LILRB2: variants seen among roughly 807,000 people sequenced by gnomAD.
LILRB2 encodes leukocyte immunoglobulin like receptor B2, also known as leukocyte immunoglobulin-like receptor subfamily B member 2.
Under a neutral mutation model 72.7 loss-of-function variants are expected in LILRB2, and 47 were observed. The ratio of observed to expected loss-of-function variants is 0.65; its 90% confidence interval spans 0.51 to 0.82. LILRB2 has a LOEUF of 0.82. LILRB2 is among the 40% of genes least tolerant of loss of function. The pLI is 0.00. For missense variants in LILRB2, 767 were observed against 764.8 expected, an observed-to-expected ratio of 1.00 and a Z score of -0.03; for synonymous variants, 279 against 313.7, an observed-to-expected ratio of 0.89 and a Z score of 1.17.
At position 54,280,066 on chromosome 19, in the gene LILRB2, G is replaced by C; in HGVS notation, c.80C>G (p.Pro27Arg). 6.2e-7 allele frequency: 1 copy of C among 1,613,876 alleles called. No homozygotes were observed. Among genetic ancestry groups the C allele is most frequent in the Non-Finnish European group, 8.5e-7 (1 of 1,179,884 alleles). ...PRTRVQTGTI[P>R]KPTLWAEPDS... The stretch of plus-strand genomic sequence containing the variant: ...TGGCTCAGCCCACAGGGTGGGCTTG[G>C]GGATGGTCCCTGGAAGGAAATCAAA... Residue 27 changes from proline (P) to arginine (R), a missense_variant, in exon 4 of 14, where the codon CCC becomes CGC. Pro to Arg is a moderately radical substitution (Grantham distance 103, BLOSUM62 -2). Around this residue, in one of 3 missense-constraint regions of LILRB2, gnomAD observed 599 missense variants for 568.2 expected, o/e 1.05. Coordinates refer to ENST00000314446, the MANE Select transcript of LILRB2 (RefSeq NM_001080978.4).
chr19:54,278,199 C>T (rs2080335278), intron 7 of LILRB2, 61 bp downstream of exon 7: 1 of 1,597,202 alleles, frequency 6.3e-7, no homozygotes, highest in Non-Finnish European at 8.5e-7. Flanking sequence ...CAGAGCTCTC[C>T]TGGGGGGCAG....
intron 7 of LILRB2, 75 bp from the exon 8 acceptor site, chr19:54,278,014 C>T: frequency 1.6e-6 from 2 of 1,253,922 alleles, no homozygotes; most frequent in Non-Finnish European, 2.2e-6. Flanking sequence ...AATTTCTCTA[C>T]ATGGGCCCTG....
chr19:54,275,364 T>C, intron 13 of LILRB2: 2 of 519,084 alleles, frequency 3.9e-6, no homozygotes, highest in Non-Finnish European at 7.2e-6. Context: ...TAGAGGATCG[T>C]GTGCCCCACT....
At position 54,274,378 on chromosome 19, in the gene LILRB2, T is replaced by G; in HGVS notation, c.*305A>C. 2.9e-6 allele frequency: 1 copy of G among 339,320 alleles called. No homozygotes were observed. Among genetic ancestry groups the G allele is most frequent in the Non-Finnish European group, 5.2e-6 (1 of 191,116 alleles). The allele number at this position is 339,320 out of a possible 1,614,324, so 21.0% of individuals were successfully genotyped here. ...ATTTGTGGTTTGTACTTTTTCAATT[T>G]CATTGTGTGATGTGTAATATTTATA... is the stretch of plus-strand genomic sequence containing the variant. On this transcript the variant is annotated 3_prime_UTR_variant, in exon 14 of 14. Transcript: ENST00000314446.
chr19:54,276,227 T>C (rs531464984), intron 12 of LILRB2, 37 bp downstream of exon 12: 2 of 1,613,286 alleles, frequency 1.2e-6, no homozygotes, highest in South Asian at 2.2e-5. Context: ...GGGGCCCCTA[T>C]CTCCCTCCTG....
Position 54,278,765 on chromosome 19 carries a change from G to A in LILRB2, c.955+47C>T, listed in dbSNP as rs10404452. ...TCACTAATTGGATTCCCCCGGCAGG[G>A]CCTGTGCAGAGTCTGGGTCCCTGAC... On this transcript the variant is annotated intron_variant, in intron 6 of 13. Transcript: ENST00000314446. The A allele has an allele frequency of 0.03, 47,692 of 1,605,698 alleles. 5,315 individuals carry two copies. In the African/African-American group the frequency reaches 0.35, roughly 12 times the overall value.
In LILRB2 at chr19:54,277,825, G is replaced by A. The variant is rs73938623; in HGVS notation, c.1309+64C>T. ...TCCCTGAAGGGAATGGGATCCTCCT[G>A]GACACTCAAAGCTGCCCTGGGGGTC... On this transcript the variant is annotated intron_variant, in intron 8 of 13. Transcript: ENST00000314446. 1.6e-3 allele frequency: 2,174 copies of A among 1,394,252 alleles called. 31 individuals are homozygous for A. In the African/African-American group the frequency reaches 0.022, roughly 14 times the overall value. 86.4% of individuals were successfully genotyped at this position (1,394,252 alleles called of 1,614,324 possible).
At position 54,275,502 on chromosome 19, in the gene LILRB2, A is replaced by G. The variant is rs568913212; in HGVS notation, c.1647+449T>C. 3,361 of 513,874 alleles carry G rather than the reference A, an allele frequency of 6.5e-3. 75 individuals carry two copies. Among genetic ancestry groups the G allele is most frequent in the African/African-American group, 0.054 (2,788 of 51,872 alleles). 31.8% of individuals were successfully genotyped at this position (513,874 alleles called of 1,614,324 possible). A position where few individuals can be genotyped will look rare whatever the true frequency, so the allele number is the denominator to read the frequency against. ...CTTTAAGCACGTTGCACTCCTGGACATGGCGCATTTATTTGCATTTTGTCT... is the reference window on the plus strand; with the variant it reads ...CTTTAAGCACGTTGCACTCCTGGACGTGGCGCATTTATTTGCATTTTGTCT... On this transcript the variant is annotated intron_variant, in intron 13 of 13. Coordinates refer to ENST00000314446, the MANE Select transcript of LILRB2 (RefSeq NM_001080978.4).
intron 13 of LILRB2, 63 bp from the exon 14 acceptor site, chr19:54,274,892 G>A: frequency 3.7e-6 from 6 of 1,610,532 alleles, no homozygotes; most frequent in Non-Finnish European, 5.1e-6. Context: ...TGGGGGCCTG[G>A]AGAGGAAAGG....
rs774397128 is a variant in LILRB2 at position 54,279,330 on chromosome 19, C to A, written c.658+15G>T. On this transcript the variant is annotated intron_variant, in intron 5 of 13. Transcript: ENST00000314446. ...GAGACTCAGGGAACTCCAGACAATG[C>A]TGTGAATTTCTCACCTGGGACCAGG... 6.2e-7 allele frequency: 1 copy of A among 1,605,340 alleles called. No homozygotes were observed.
chr19:54,278,206 G>A (rs571471001), intron 7 of LILRB2, 54 bp downstream of exon 7: 23 of 1,602,554 alleles, frequency 1.4e-5, no homozygotes, highest in South Asian at 1.3e-4. Context: ...CTCCTGGGGG[G>A]CAGGGCCTGA....
chr19:54,276,402 G>A lies in LILRB2; in HGVS notation c.1535C>T (p.Thr512Ile), dbSNP rs1279498578. 2 of 1,602,590 alleles carry A rather than the reference G, an allele frequency of 1.2e-6. No individual in the cohort carries two copies. The highest frequency in any genetic ancestry group is 1.3e-5 in the African/African-American group (1 of 74,600). ...HPAGAVGPEP[T>I]DRGLQWRSSP... ...TTACCTCCACTGCAGGCCTCTGTCT[G>A]TGGGCTCTGGCCCCACAGCCCCTGC... Residue 512 changes from threonine to isoleucine, a missense_variant, in exon 11 of 14, where the codon ACA becomes ATA. By Grantham distance (89) the Thr-to-Ile change is moderately conservative. Around this residue, in one of 3 missense-constraint regions of LILRB2, gnomAD observed 162 missense variants for 176.7 expected, o/e 0.92. Coordinates refer to ENST00000314446, the MANE Select transcript of LILRB2 (RefSeq NM_001080978.4).
rs566790061 is a variant in LILRB2 at position 54,278,693 on chromosome 19, C to G, written c.955+119G>C. On this transcript the variant is annotated intron_variant, in intron 6 of 13. Transcript: ENST00000314446. ...CTCCCCACCCATCCCCTGTCTCTCT[C>G]TCTGTCTCTCCCTCCCTTGGGACCA... 42,827 of 1,459,356 alleles carry G rather than the reference C, an allele frequency of 0.029. 4,883 individuals are homozygous for G. In the African/African-American group the frequency reaches 0.34, roughly 12 times the overall value. The allele number at this position is 1,459,356 out of a possible 1,614,324, so 90.4% of individuals were successfully genotyped here.
rs542724233 is a variant in LILRB2 at position 54,277,921 on chromosome 19, C to T, written c.1277G>A (p.Ser426Asn). ...GGAGATGGGACCGGTGGGTGGGGGG[C>T]TGGAACCCATGGAGGGTCCTGGGTG... ...LVVSGPSMGS[S>N]PPPTGPISTP... Residue 426 changes from serine to asparagine, a missense_variant, in exon 8 of 14, where the codon AGC (serine) becomes AAC (asparagine). Physicochemically the swap from Ser to Asn is conservative, Grantham distance 46. This residue lies in a region of LILRB2 where 599 missense variants were observed against 568.2 expected (regional missense o/e 1.05). Coordinates refer to ENST00000314446, the MANE Select transcript of LILRB2 (RefSeq NM_001080978.4). 5 of 1,538,234 alleles carry T rather than the reference C, an allele frequency of 3.3e-6. No homozygotes were observed. Among genetic ancestry groups the T allele is most frequent in the African/African-American group, 2.8e-5 (2 of 72,364 alleles).
intron 3 of LILRB2, 52 bp from the exon 4 acceptor site, chr19:54,280,127 T>C (rs2080480978): frequency 6.2e-7 from 1 of 1,609,320 alleles, no homozygotes; most frequent in Admixed American, 1.7e-5. Flanking sequence ...CCAACAGATC[T>C]CAGCTCTCAG....
chr19:54,277,276 C>G (rs1159350480), intron 9 of LILRB2: 81 of 1,499,116 alleles, frequency 5.4e-5, no homozygotes, highest in Non-Finnish European at 7.2e-5. Context: ...GTCACCGTCT[C>G]TGCTGCAGGT....
Position 54,278,490 on chromosome 19 carries a change from A to G in LILRB2, c.1028T>C (p.Leu343Pro). ...PTVASGENVT[L>P]LCQSWRQFHT... is the part of the protein sequence containing the mutation. Reference sequence around the variant, plus strand: ...GAACTGCCGCCATGACTGACACAGCAGGGTCACGTTCTCTCCTGAGGCCAC... The same window carrying G: ...GAACTGCCGCCATGACTGACACAGCGGGGTCACGTTCTCTCCTGAGGCCAC... The change falls in exon 7 of 14, where the codon CTG becomes CCG. Residue 343 changes from leucine (L) to proline (P), a missense_variant. Transcript: ENST00000314446. The G allele has an allele frequency of 1.2e-6, 2 of 1,614,236 alleles. No homozygotes were observed. Among genetic ancestry groups the G allele is most frequent in the Non-Finnish European group, 1.7e-6 (2 of 1,180,036 alleles).
Position 54,279,564 on chromosome 19 carries a change from G to A in LILRB2, c.439C>T (p.Gln147Ter). ...AGAATGAAGCCGCCAAATGCCACCT[G>A]TGACTCACACTGGAGGGTCACCCTT... ...GGRVTLQCES[Q>*]VAFGGFILCK... is the part of the protein sequence containing the mutation. The change falls in exon 5 of 14, where the codon CAG becomes TAG. Residue 147 changes from glutamine to a stop codon, truncating the protein, a stop_gained. Coordinates refer to ENST00000314446, the MANE Select transcript of LILRB2 (RefSeq NM_001080978.4). LOFTEE classifies it high-confidence loss of function. 3.1e-6 allele frequency: 5 copies of A among 1,613,872 alleles called. No homozygotes were observed. The highest frequency in any genetic ancestry group is 4.2e-6 in the Non-Finnish European group (5 of 1,179,934).
rs963139811 is a variant in LILRB2, at chr19:54,279,177, C to G, written c.659-69G>C. ...TTCCCCACAAACCCTCCCTCTCCCC[C>G]GGTGCCTCACCACTGCTGATCTTCC... On this transcript the variant is annotated intron_variant, in intron 5 of 13. Transcript: ENST00000314446. 6 of 1,565,924 alleles carry G rather than the reference C, an allele frequency of 3.8e-6. No individual in the cohort carries two copies. The African/African-American group carries it at 6.8e-5, about 18-fold the overall frequency.
Sources: gnomAD v4.1 joint callset for allele counts on GRCh38, gnomAD v4.1.1 for gene constraint, gnomAD v4.1.1 regional missense constraint, MANE v1.5 for transcripts, NCBI Gene and HGNC (gene_info 2026-07-23, HGNC 2026-07-21) for gene names.